Variants in DAP3 observed in about 807,000 individuals in gnomAD.
The protein encoded by DAP3 is small ribosomal subunit protein mS29.
Under a neutral mutation model 51.9 loss-of-function variants are expected in DAP3, and 28 were observed. That is an observed-to-expected ratio of 0.54 (90% confidence interval 0.40 to 0.74). The LOEUF (loss-of-function observed/expected upper bound fraction) is 0.74, where lower values mean the gene tolerates loss of function less well. Ranked by LOEUF, DAP3 falls within the 30% of genes least tolerant of loss-of-function variation. The pLI, the probability that DAP3 is intolerant of heterozygous loss-of-function variation, is 0.00. For synonymous variants in DAP3, 170 were observed against 170.3 expected, an observed-to-expected ratio of 1.00 and a Z score of 0.01; for missense variants, 458 against 483.5, an observed-to-expected ratio of 0.95 and a Z score of 0.49.
intron 1 of DAP3, among the ~76,000 whole-genome samples, chr1:155,695,286 G>A (rs1654365806): frequency 6.6e-6 from 1 of 152,222 alleles, no homozygotes; most frequent in Non-Finnish European, 1.5e-5. Context: ...GCAGGAATGT[G>A]GGTGACGTCC....
intron 2 of DAP3, among the ~76,000 whole-genome samples, chr1:155,711,437 G>A (rs903332766): frequency 1.1e-4 from 16 of 151,958 alleles, no homozygotes; most frequent in Non-Finnish European, 5.9e-5. Flanking sequence ...AGGTTGCAGT[G>A]AGCCAAGATC....
At chr1:155,731,147 G>A (rs1659196698) in intron 9 of DAP3, among the ~76,000 whole-genome samples, 1 of 151,850 alleles carries the variant, frequency 6.6e-6, no homozygotes, top group Non-Finnish European at 1.5e-5. Context: ...CGCGCCTATA[G>A]TCCCAGCTAC....
At chr1:155,714,139 A>C (rs1261161795) in intron 2 of DAP3, among the ~76,000 whole-genome samples, 1 of 152,222 alleles carries the variant, frequency 6.6e-6, no homozygotes, top group African/African-American at 2.4e-5. Context: ...TATAAATGAA[A>C]TTACAAAGGT....
intron 4 of DAP3, among the ~76,000 whole-genome samples, chr1:155,724,850 G>A (rs2149182515): frequency 6.6e-6 from 1 of 151,800 alleles, no homozygotes; most frequent in South Asian, 2.1e-4. Flanking sequence ...AGCTACTCGG[G>A]AGGCTGAGGC....
At chr1:155,688,078 G>A (rs776703782), upstream of DAP3, 20 of 1,585,192 alleles carry the variant, frequency 1.3e-5, no homozygotes, top group Admixed American at 3.5e-5. Context: ...CACCGTGTCG[G>A]AGGCCGAGAG....
At position 155,736,762 on chromosome 1, in the gene DAP3, A is replaced by G. The variant is rs1028556521; in HGVS notation, c.994-184A>G. 3.0e-5 allele frequency: 18 copies of G among 608,962 alleles called. No individual in the cohort carries two copies. The African/African-American group carries it at 3.0e-4, about 10-fold the overall frequency. The allele number at this position is 608,962 out of a possible 1,614,324, so 37.7% of individuals were successfully genotyped here. On this transcript the variant is annotated intron_variant, in intron 11 of 12. Transcript: ENST00000368336. Reference sequence around the variant, plus strand: ...ATTTGTGGCCACGTAGAGCACGAGTAGCCAGCCACCATATGTGGAGTCCAT... The same window carrying G: ...ATTTGTGGCCACGTAGAGCACGAGTGGCCAGCCACCATATGTGGAGTCCAT...
intron 1 of DAP3, among the ~76,000 whole-genome samples, chr1:155,696,689 C>T (rs1654553887): frequency 6.6e-6 from 1 of 152,190 alleles, no homozygotes; most frequent in African/African-American, 2.4e-5. Context: ...ATGTAACAAT[C>T]TGGAAATTGA....
intron 4 of DAP3, among the ~76,000 whole-genome samples, chr1:155,724,915 T>C (rs1374765275): frequency 6.6e-6 from 1 of 151,054 alleles, no homozygotes; most frequent in South Asian, 2.1e-4. Flanking sequence ...GATCGTGCCA[T>C]TGCACTCCAG....
chr1:155,688,040 C>G (rs1652774362), upstream of DAP3: 5 of 1,547,748 alleles, frequency 3.2e-6, no homozygotes, highest in African/African-American at 4.1e-5. Flanking sequence ...AGTGCTTAGG[C>G]CCGAATGCCG....
In DAP3 at chr1:155,725,469, C is replaced by A; in HGVS notation, c.358C>A (p.Pro120Thr). The A allele has an allele frequency of 6.2e-7, 1 of 1,614,094 alleles. No individual in the cohort carries two copies. Among genetic ancestry groups the A allele is most frequent in the East Asian group, 2.2e-5 (1 of 44,884 alleles). ...HYLKNTSFAYPAIRYLLYGEK... is the reference protein window; with the variant it reads ...HYLKNTSFAYTAIRYLLYGEK... The stretch of plus-strand genomic sequence containing the variant: ...CCTGAAAAACACCAGTTTTGCTTAT[C>A]CAGCTATACGATATCTTCTGTGTAT... Residue 120 changes from proline (P) to threonine (T), a missense_variant, in exon 5 of 13, where the codon CCA (proline) becomes ACA (threonine). Physicochemically the swap from Pro to Thr is conservative, Grantham distance 38 (BLOSUM62 -1). Transcript: ENST00000368336.
At chr1:155,736,162 C>T (rs1659767483) in intron 11 of DAP3, among the ~76,000 whole-genome samples, 1 of 151,634 alleles carries the variant, frequency 6.6e-6, no homozygotes, top group South Asian at 2.1e-4. Context: ...TTAGTAGAGA[C>T]AGTAATTTTG....
intron 11 of DAP3, among the ~76,000 whole-genome samples, chr1:155,735,814 G>C (rs1659717711): frequency 6.7e-6 from 1 of 149,766 alleles, no homozygotes; most frequent in South Asian, 2.1e-4. Context: ...TGGGATTACA[G>C]GCACGCATCA....
rs61338392 is a variant in DAP3 at position 155,712,612 on chromosome 1, C to CAAA, written c.45+2809_45+2811dup. Among the ~76,000 whole-genome samples the CAAA allele has an allele frequency of 1.8e-3, 97 of 55,026 alleles. 1 individual carries two copies. The highest frequency in any genetic ancestry group is 2.9e-3 in the Admixed American group (14 of 4,758). The allele number at this position is 55,026 out of a possible 152,430, so 36.1% of individuals were successfully genotyped here. A position where few individuals can be genotyped will look rare whatever the true frequency, so the allele number is the denominator to read the frequency against. Reference sequence around the variant, plus strand: ...GGGCAACAAGAGTGAAACTCCGTCTCAAAAAAAAAAAAAAAAAAAAAAAGA... The same window carrying CAAA: ...GGGCAACAAGAGTGAAACTCCGTCTCAAAAAAAAAAAAAAAAAAAAAAAAAAGA... On this transcript the variant is annotated intron_variant, in intron 2 of 12. Coordinates refer to ENST00000368336, the MANE Select transcript of DAP3 (RefSeq NM_004632.4).
intron 1 of DAP3, among the ~76,000 whole-genome samples, chr1:155,707,053 T>C (rs1158850573): frequency 6.7e-6 from 1 of 149,590 alleles, no homozygotes; most frequent in Non-Finnish European, 1.5e-5. Context: ...ATCATGCCAT[T>C]GCACTCCAGC....
At chr1:155,709,977 C>A in intron 2 of DAP3, 153 bp downstream of exon 2, 1 of 595,764 alleles carries the variant, frequency 1.7e-6, no homozygotes, top group Admixed American at 2.8e-5. Flanking sequence ...GAGAATTTAC[C>A]ATGGAATAGG....
intron 12 of DAP3, 94 bp from the exon 13 acceptor site, chr1:155,738,063 A>G (rs1659989606): frequency 8.3e-7 from 1 of 1,206,650 alleles, no homozygotes; most frequent in Non-Finnish European, 1.2e-6. Flanking sequence ...TCAGAACGTA[A>G]TTTGGATATG....
chr1:155,709,630 T>C (rs1656444449), intron 1 of DAP3, 143 bp from the exon 2 acceptor site: 1 of 561,074 alleles, frequency 1.8e-6, no homozygotes, highest in Non-Finnish European at 2.8e-6. Flanking sequence ...CTCATTTTTT[T>C]AATGAAGCTG....
At chr1:155,713,586 A>G (rs976573078) in intron 2 of DAP3, among the ~76,000 whole-genome samples, 1 of 152,154 alleles carries the variant, frequency 6.6e-6, no homozygotes, top group Non-Finnish European at 1.5e-5. Flanking sequence ...AGAGAGGGAG[A>G]TATGAAAATG....
chr1:155,716,465 C>T (rs1196961790), intron 2 of DAP3, among the ~76,000 whole-genome samples: 4 of 151,362 alleles, frequency 2.6e-5, no homozygotes, highest in Non-Finnish European at 4.4e-5. Flanking sequence ...CCCAGCTACT[C>T]GGGAGGCTGA....
Sources: allele counts gnomAD v4.1 joint callset (sites outside exome capture counted in the v4.1 genomes callset), GRCh38; gene constraint gnomAD v4.1.1; transcripts MANE v1.5; gene names NCBI Gene and HGNC (gene_info 2026-07-23, HGNC 2026-07-21).